Variants in MAST1 observed in about 807,000 individuals in gnomAD.
MAST1 encodes microtubule-associated serine/threonine-protein kinase 1.
In MAST1, 40 loss-of-function variants were observed where a neutral mutation model predicts 124.6. The ratio of observed to expected loss-of-function variants is 0.32; its 90% CI spans 0.25 to 0.42. The LOEUF is 0.42. MAST1 is among the 10% of genes least tolerant of loss of function. The probability of loss-of-function intolerance (pLI) is 1.00; values close to 1 mark genes in which losing one functional copy is unlikely to be tolerated. For synonymous variants in MAST1, 938 were observed against 939.4 expected (o/e 1.00, Z 0.03); for missense variants, 1,558 against 2,181.9 (o/e 0.71, Z 5.70).
chr19:12,853,012 C>T (rs1969981318), intron 10 of MAST1, among the ~76,000 whole-genome samples: 1 of 149,428 alleles, frequency 6.7e-6, no homozygotes, highest in Admixed American at 6.6e-5. Flanking sequence ...CTCTTGTTGC[C>T]CAGGCTGGAG....
chr19:12,848,982 A>G (rs1284600337), intron 7 of MAST1: 1 of 152,354 alleles, frequency 6.6e-6, no homozygotes, highest in South Asian at 2.1e-4. Flanking sequence ...TAAATGAAAT[A>G]AAATAAAATA....
At position 12,873,169 on chromosome 19, in the gene MAST1, G is replaced by A. The variant is rs1970259645; in HGVS notation, c.3264-155G>A. On this transcript the variant is annotated intron_variant, in intron 24 of 25. Coordinates refer to ENST00000251472, the MANE Select transcript of MAST1 (RefSeq NM_014975.3). ...AGTGGGAGGAGCCAAGCAGCACTGA[G>A]CTAAAGGAAGTTCTTTATCTTGATA... 7.2e-6 allele frequency: 5 copies of A among 695,488 alleles called. No homozygotes were observed. The East Asian group carries it at 1.1e-4, about 15-fold the overall frequency. The allele number at this position is 695,488 out of a possible 1,614,324, so 43.1% of individuals were successfully genotyped here. A position where few individuals can be genotyped will look rare whatever the true frequency, so the allele number is the denominator to read the frequency against.
intron 21 of MAST1, 87 bp from the exon 22 acceptor site, chr19:12,868,979 C>T (rs1970199044): frequency 2.6e-6 from 4 of 1,535,798 alleles, no homozygotes; most frequent in Non-Finnish European, 3.6e-6. Context: ...GGCTGCTCTG[C>T]CACTGCCTTG....
At chr19:12,869,406 C>CCTG in intron 22 of MAST1, 111 bp downstream of exon 22, 1 of 766,356 alleles carries the variant, frequency 1.3e-6, no homozygotes, top group Non-Finnish European at 2.2e-6. Flanking sequence ...CCCTCTATGC[C>CCTG]TCTTCCCTCT....
rs763286886 is a variant in MAST1 at position 12,847,711 on chromosome 19, A to C, written c.564+24A>C. ...AGGTGAGGTGGGACCCGAGGCGGTC[A>C]CGGGGTGACCAGGCGGCCTGCACTC... On this transcript the variant is annotated intron_variant, in intron 6 of 25. Transcript: ENST00000251472. The surrounding 1 kb of genome is among the most constrained non-coding windows in gnomAD (Gnocchi z 5.5). 8.1e-6 allele frequency: 13 copies of C among 1,611,706 alleles called. No homozygotes were observed. The South Asian group carries it at 1.3e-4, about 16-fold the overall frequency.
rs1163361599 is a variant in MAST1, at chr19:12,874,275, G to A, written c.4118G>A (p.Arg1373His). The change falls in exon 26 of 26, where the codon CGC (arginine) becomes CAC (histidine). Residue 1373 changes from arginine (R) to histidine (H), a missense_variant. Around this residue, in one of 10 missense-constraint regions of MAST1, gnomAD observed 263 missense variants for 310.9 expected, o/e 0.85. Coordinates refer to ENST00000251472, the MANE Select transcript of MAST1 (RefSeq NM_014975.3). This position sits in a 1 kb window ranked among gnomAD's most constrained non-coding sequence, Gnocchi z 6.6. Reference protein sequence around the residue: ...PGGAEACTPPRATTPGGRTLE... With the variant: ...PGGAEACTPPHATTPGGRTLE... ...GGCGCCGAGGCGTGCACCCCACCCC[G>A]CGCGACGACCCCCGGTGGCCGGACC... 6.3e-7 allele frequency: 1 copy of A among 1,585,266 alleles called. No homozygotes were observed. The highest frequency in any genetic ancestry group is 1.1e-5 in the South Asian group (1 of 89,464).
At chr19:12,864,729 CAT>C (rs1970128942) in intron 12 of MAST1, 78 bp from the exon 13 acceptor site, 3 of 1,565,106 alleles carry the variant, frequency 1.9e-6, no homozygotes, top group African/African-American at 1.4e-5. Flanking sequence ...TACAACATAA[CAT>C]GAGAAGTTGG....
Position 12,840,965 on chromosome 19 carries a change from G to A in MAST1, c.173-26G>A, listed in dbSNP as rs1162480884. 5 of 903,926 alleles carry A rather than the reference G, an allele frequency of 5.5e-6. No homozygotes were observed. In the Admixed American group the frequency reaches 6.8e-5, roughly 12 times the overall value. 56.0% of individuals were successfully genotyped at this position (903,926 alleles called of 1,614,324 possible). On this transcript the variant is annotated intron_variant, in intron 2 of 25. Transcript: ENST00000251472. ...GCTTTAGGGAACGAGAGACCTGACA[G>A]GATTTGCCCCCTCTTTCTCTCATAG... is the stretch of plus-strand genomic sequence containing the variant.
chr19:12,874,588 G>A lies in MAST1; in HGVS notation c.4431G>A (p.Arg1477=), dbSNP rs1423037086. The change falls in exon 26 of 26, where the codon CGG becomes CGA. Residue 1477 remains arginine, a synonymous_variant. Transcript: ENST00000251472. This position sits in a 1 kb window ranked among gnomAD's most constrained non-coding sequence, Gnocchi z 6.6. ...CCGTGCCCGAGGCCCCCCGGGGCCG[G>A]GAGCGCTGGGTGTTGGAGGTGGTGG... The part of the protein sequence containing the change: ...APSVPEAPRG[R]ERWVLEVVEE... 6.6e-7 allele frequency: 1 copy of A among 1,508,212 alleles called. No homozygotes were observed. Among genetic ancestry groups the A allele is most frequent in the Non-Finnish European group, 8.8e-7 (1 of 1,130,154 alleles). The allele number at this position is 1,508,212 out of a possible 1,614,324, so 93.4% of individuals were successfully genotyped here.
At chr19:12,854,393 G>A (rs550173573) in intron 10 of MAST1, among the ~76,000 whole-genome samples, 33 of 152,236 alleles carry the variant, frequency 2.2e-4, no homozygotes, top group Admixed American at 1.0e-3. Flanking sequence ...AAAGTGCTGC[G>A]ATTACAGGCG....
chr19:12,862,879 C>T (rs1002629111), intron 12 of MAST1, among the ~76,000 whole-genome samples: 11 of 151,900 alleles, frequency 7.2e-5, no homozygotes, highest in African/African-American at 2.4e-4. Context: ...GTCAGCCAGG[C>T]TGGTCTCGAA....
chr19:12,842,453 C>T (rs1407701965), intron 3 of MAST1, among the ~76,000 whole-genome samples: 1 of 151,986 alleles, frequency 6.6e-6, no homozygotes, highest in Admixed American at 6.6e-5. Context: ...CCACCACGCC[C>T]GGCTAATTTT....
chr19:12,849,678 T>A (rs952877791), intron 7 of MAST1, among the ~76,000 whole-genome samples: 1 of 151,524 alleles, frequency 6.6e-6, no homozygotes, highest in African/African-American at 2.4e-5. Context: ...AAAATAAAAA[T>A]AAAAATAAAA....
chr19:12,860,397 T>A (rs776495357), intron 12 of MAST1, among the ~76,000 whole-genome samples: 1 of 151,376 alleles, frequency 6.6e-6, no homozygotes, highest in Non-Finnish European at 1.5e-5. Flanking sequence ...ATTACAGGCG[T>A]GAACCACCAC....
chr19:12,868,664 A>T lies in MAST1; in HGVS notation c.2588A>T (p.Asp863Val), dbSNP rs746343962. 9 of 1,601,302 alleles carry T rather than the reference A, an allele frequency of 5.6e-6. No individual in the cohort carries two copies. Among genetic ancestry groups the T allele is most frequent in the Non-Finnish European group, 6.8e-6 (8 of 1,172,062 alleles). The change falls in exon 21 of 26, where the codon GAC becomes GTC. Residue 863 changes from aspartate to valine, a missense_variant. Asp to Val is a radical substitution (Grantham distance 152). This residue lies in a region of MAST1 where 287 missense variants were observed against 308.0 expected (regional missense o/e 0.93). Transcript: ENST00000251472. ...SEATDRPRPG[D>V]LCPPSKDGDA... is the part of the protein sequence containing the mutation. The stretch of plus-strand genomic sequence containing the variant: ...GCAGCTGACCGTCCACGCCCAGGTG[A>T]CCTCTGCCCACCCTCGAAGGATGGG...
intron 4 of MAST1, among the ~76,000 whole-genome samples, chr19:12,846,342 C>T (rs774341797): frequency 5.8e-4 from 88 of 152,118 alleles, no homozygotes; most frequent in Non-Finnish European, 9.1e-4. Context: ...TGTGAGTCAC[C>T]ATATTCAGTG....
At chr19:12,870,479 A>G (rs553986812) in intron 22 of MAST1, among the ~76,000 whole-genome samples, 62 of 137,054 alleles carry the variant, frequency 4.5e-4, no homozygotes, top group Non-Finnish European at 6.8e-4. Context: ...TGACAGAGCG[A>G]GAGACTCCGT....
chr19:12,873,688 C>G lies in MAST1; in HGVS notation c.3531C>G (p.Pro1177=), dbSNP rs1970271483. 2 of 1,601,554 alleles carry G rather than the reference C, an allele frequency of 1.2e-6. No individual in the cohort carries two copies. Among genetic ancestry groups the G allele is most frequent in the African/African-American group, 2.7e-5 (2 of 75,020 alleles). Residue 1177 remains proline (P), a synonymous_variant, in exon 26 of 26, where the codon CCC becomes CCG. Transcript: ENST00000251472. Reference sequence around the variant, plus strand: ...CGTCGGCGTCGCACCACATTCGGCCCAGCACGCTGCACGGACTGTCGCCAA... The same window carrying G: ...CGTCGGCGTCGCACCACATTCGGCCGAGCACGCTGCACGGACTGTCGCCAA... ...PASSASHHIR[P]STLHGLSPKL...
In MAST1 at chr19:12,867,787, G is replaced by A; in HGVS notation, c.2376G>A (p.Leu792=). ...SFLEGEASPP[L]GARRRFSALL... is the part of the protein sequence containing the mutation. ...TGGAGGGAGAGGCCAGTCCCCCTTT[G>A]GGCGCCCGCCGCCGTTTCTCGGCGC... is the stretch of plus-strand genomic sequence containing the variant. Residue 792 remains leucine, a synonymous_variant, in exon 20 of 26, where the codon TTG becomes TTA. Coordinates refer to ENST00000251472, the MANE Select transcript of MAST1 (RefSeq NM_014975.3). 1 of 1,563,548 alleles carries A rather than the reference G, an allele frequency of 6.4e-7. No homozygotes were observed. Among genetic ancestry groups the A allele is most frequent in the South Asian group, 1.2e-5 (1 of 86,712 alleles).
Sources: gnomAD v4.1 joint callset for allele counts (sites outside exome capture counted in the v4.1 genomes callset) on GRCh38, gnomAD v4.1.1 for gene constraint, gnomAD v4.1.1 regional missense constraint, Gnocchi (gnomAD v3.1) non-coding constraint, MANE v1.5 for transcripts, NCBI Gene and HGNC (gene_info 2026-07-23, HGNC 2026-07-21) for gene names.